Variants in XPR1 observed in about 807,000 individuals in gnomAD.
XPR1 encodes the protein solute carrier family 53 member 1.
XPR1 carries 28 observed loss-of-function variants against 87.5 expected under a neutral mutation model. That is an observed-to-expected ratio of 0.32 (90% CI 0.24 to 0.44). The LOEUF (loss-of-function observed/expected upper bound fraction) is 0.44, where lower values mean the gene tolerates loss of function less well. XPR1 is among the 20% of genes least tolerant of loss of function. XPR1 has a pLI of 1.00. For synonymous variants in XPR1, 300 were observed against 306.1 expected (o/e 0.98, Z 0.21); for missense variants, 559 against 862.3 (o/e 0.65, Z 4.41).
At position 180,744,650 on chromosome 1, in the gene XPR1, C is replaced by T. The variant is rs80226760; in HGVS notation, c.122-43103C>T. On this transcript the variant is annotated intron_variant, in intron 2 of 14. Transcript: ENST00000367590. ...ACTTGTTCAGGTTTAGGCACAATTT[C>T]TTTCTTTTTTTTTTTTTTGAGACAG... 3.1e-3 allele frequency among the ~76,000 whole-genome samples: 176 copies of T among 56,926 alleles called. 3 individuals carry two copies. Among genetic ancestry groups the T allele is most frequent in the African/African-American group, 7.5e-3 (128 of 17,134 alleles). 37.3% of individuals were successfully genotyped at this position (56,926 alleles called of 152,430 possible). A position where few individuals can be genotyped will look rare whatever the true frequency, so the allele number is the denominator to read the frequency against.
chr1:180,723,803 A>G (rs1190656863), intron 2 of XPR1, among the ~76,000 whole-genome samples: 4 of 152,176 alleles, frequency 2.6e-5, no homozygotes, highest in Non-Finnish European at 2.9e-5. Context: ...TCATCCAGAT[A>G]CATCATTTAC....
At chr1:180,786,021 G>T (rs930852361) in intron 2 of XPR1, among the ~76,000 whole-genome samples, 1 of 151,192 alleles carries the variant, frequency 6.6e-6, no homozygotes, top group African/African-American at 2.4e-5. Flanking sequence ...AATAATTCCC[G>T]GTGACCTTGG....
Position 180,636,988 on chromosome 1 carries a change from G to T in XPR1, c.69+4718G>T, listed in dbSNP as rs532618611. ...AATCGATTGAACCGGGGAGGCGGAGGTTGCAGTGAGCTGAGATTGTGCCAC... is the reference window on the plus strand; with the variant it reads ...AATCGATTGAACCGGGGAGGCGGAGTTTGCAGTGAGCTGAGATTGTGCCAC... On this transcript the variant is annotated intron_variant, in intron 1 of 14. Coordinates refer to ENST00000367590, the MANE Select transcript of XPR1 (RefSeq NM_004736.4). Among the ~76,000 whole-genome samples, 531 of 148,632 alleles carry T rather than the reference G, an allele frequency of 3.6e-3. 3 individuals are homozygous for T. The highest frequency in any genetic ancestry group is 3.5e-3 in the Non-Finnish European group (235 of 67,570).
intron 7 of XPR1, among the ~76,000 whole-genome samples, chr1:180,818,065 TG>T (rs1367280785): frequency 6.6e-6 from 1 of 152,084 alleles, no homozygotes; most frequent in Non-Finnish European, 1.5e-5. Flanking sequence ...ATTGGTGATT[TG>T]TTTTTTAAAA....
At chr1:180,711,624 G>A (rs959837042) in intron 2 of XPR1, among the ~76,000 whole-genome samples, 1 of 151,744 alleles carries the variant, frequency 6.6e-6, no homozygotes, top group Non-Finnish European at 1.5e-5. Context: ...GAGGGAGAGG[G>A]GGGAGAGTTC....
Position 180,880,284 on chromosome 1 carries a change from C to G in XPR1, c.2017C>G (p.Arg673Gly). 3 of 1,614,188 alleles carry G rather than the reference C, an allele frequency of 1.9e-6. No homozygotes were observed. The highest frequency in any genetic ancestry group is 2.5e-6 in the Non-Finnish European group (3 of 1,180,030). Residue 673 changes from arginine (R) to glycine (G), a missense_variant, in exon 14 of 15, where the codon CGC becomes GGC. Physicochemically the swap from Arg to Gly is moderately radical, Grantham distance 125. Transcript: ENST00000367590. Reference sequence around the variant, plus strand: ...CCAGAGCATATCCCTGCGCCGGCCTCGCCTCGCTTCTCAGTATGTATGGCT... The same window carrying G: ...CCAGAGCATATCCCTGCGCCGGCCTGGCCTCGCTTCTCAGTATGTATGGCT... Reference protein sequence around the residue: ...YNQSISLRRPRLASQSKARDT... With the variant: ...YNQSISLRRPGLASQSKARDT...
At chr1:180,883,507 G>A (rs150094484) in intron 14 of XPR1, among the ~76,000 whole-genome samples, 6,007 of 151,988 alleles carry the variant, frequency 0.04, 150 homozygotes, top group African/African-American at 0.071. Context: ...TCAGGAGTTT[G>A]AGACCAGCCT....
intron 7 of XPR1, among the ~76,000 whole-genome samples, chr1:180,822,755 C>T (rs910503270): frequency 5.9e-5 from 9 of 152,004 alleles, no homozygotes; most frequent in Non-Finnish European, 1.0e-4. Flanking sequence ...ATATTATCCC[C>T]ATTGATCAAC....
intron 13 of XPR1, among the ~76,000 whole-genome samples, chr1:180,874,918 G>C (rs186401996): frequency 6.6e-6 from 1 of 152,286 alleles, no homozygotes; most frequent in African/African-American, 2.4e-5. Context: ...GTTGCTACAA[G>C]TAAATTTACA....
At chr1:180,801,729 C>G (rs990175555) in intron 3 of XPR1, among the ~76,000 whole-genome samples, 2 of 151,194 alleles carry the variant, frequency 1.3e-5, no homozygotes, top group African/African-American at 4.9e-5. Flanking sequence ...GTAAATAATT[C>G]TTTGTTATTA....
intron 1 of XPR1, among the ~76,000 whole-genome samples, chr1:180,647,618 G>T (rs943071429): frequency 3.3e-5 from 5 of 152,142 alleles, no homozygotes; most frequent in African/African-American, 1.2e-4. Flanking sequence ...CACTAGCCAG[G>T]CTGGGCATCG....
intron 1 of XPR1, among the ~76,000 whole-genome samples, chr1:180,680,813 C>T (rs1656552533): frequency 6.6e-6 from 1 of 152,100 alleles, no homozygotes; most frequent in East Asian, 1.9e-4. Flanking sequence ...ACCTAGGTGT[C>T]CAACAACAAA....
chr1:180,649,925 C>T (rs745928502), intron 1 of XPR1, among the ~76,000 whole-genome samples: 4 of 152,130 alleles, frequency 2.6e-5, no homozygotes, highest in Non-Finnish European at 5.9e-5. Flanking sequence ...TTCTCAAGTA[C>T]CTGATACTTC....
Position 180,883,635 on chromosome 1 carries a change from G to A in XPR1, c.2031-371G>A, listed in dbSNP as rs536192672. 1.3e-4 allele frequency among the ~76,000 whole-genome samples: 20 copies of A among 151,672 alleles called. No homozygotes were observed. The South Asian group carries it at 3.8e-3, about 28-fold the overall frequency. On this transcript the variant is annotated intron_variant, in intron 14 of 14. Transcript: ENST00000367590. ...GAGGCAGGAGAATTGCTTGAGCCTGGGAAACGGAGGTTGCAGTGAGCTGAG... is the reference window on the plus strand; with the variant it reads ...GAGGCAGGAGAATTGCTTGAGCCTGAGAAACGGAGGTTGCAGTGAGCTGAG...
At chr1:180,783,405 GA>G (rs745624812) in intron 2 of XPR1, among the ~76,000 whole-genome samples, 22 of 151,686 alleles carry the variant, frequency 1.5e-4, no homozygotes, top group Non-Finnish European at 2.9e-4. Flanking sequence ...TATCCTTTAT[GA>G]ATACCTTTTC....
intron 3 of XPR1, among the ~76,000 whole-genome samples, chr1:180,794,983 G>A (rs3013633): frequency 0.26 from 39,955 of 152,034 alleles, 5,730 homozygotes; most frequent in East Asian, 0.55. Flanking sequence ...GATAAAAGCA[G>A]TATAAAAAAT....
At chr1:180,693,126 A>G (rs1657044179) in intron 2 of XPR1, among the ~76,000 whole-genome samples, 1 of 152,256 alleles carries the variant, frequency 6.6e-6, no homozygotes, top group African/African-American at 2.4e-5. Flanking sequence ...GTTGTAGAGG[A>G]AAAGATACCA....
At chr1:180,731,558 T>C (rs2102011432) in intron 2 of XPR1, among the ~76,000 whole-genome samples, 1 of 152,256 alleles carries the variant, frequency 6.6e-6, no homozygotes, top group East Asian at 1.9e-4. Context: ...CAAATACAAG[T>C]GTCAAGCTTT....
At chr1:180,812,259 C>T (rs1439887807) in intron 7 of XPR1, among the ~76,000 whole-genome samples, 1 of 152,150 alleles carries the variant, frequency 6.6e-6, no homozygotes, top group Non-Finnish European at 1.5e-5. Flanking sequence ...TAGTGCTGGG[C>T]TCAATCCTTC....
Sources: allele counts gnomAD v4.1 joint callset (sites outside exome capture counted in the v4.1 genomes callset), GRCh38; gene constraint gnomAD v4.1.1; transcripts MANE v1.5; gene names NCBI Gene and HGNC (gene_info 2026-07-23, HGNC 2026-07-21).